MICU1: variants seen among roughly 807,000 people sequenced by gnomAD.
MICU1 encodes calcium uptake protein 1, mitochondrial.
Under a neutral mutation model 56.8 loss-of-function variants are expected in MICU1, and 45 were observed. The ratio of observed to expected loss-of-function variants is 0.79; its 90% CI spans 0.62 to 1.02. The LOEUF (loss-of-function observed/expected upper bound fraction) is 1.02. Ranked by LOEUF, MICU1 falls within the 50% of genes least tolerant of loss-of-function variation. The pLI is 0.00. For missense variants in MICU1, 504 were observed against 587.1 expected (o/e 0.86, Z 1.46); for synonymous variants, 186 against 195.1 (o/e 0.95, Z 0.39).
rs181459857 is a variant in MICU1 at position 72,575,225 on chromosome 10, T to C, written c.-1-8431A>G. On this transcript the variant is annotated intron_variant, in intron 1 of 11. Transcript: ENST00000361114. ...TTTGGAAACACTCATCTCACACATG[T>C]AAGCAGCAGTCTCCTCTGTCTGTGG... is the stretch of plus-strand genomic sequence containing the variant. Among the ~76,000 whole-genome samples the C allele has an allele frequency of 1.2e-3, 187 of 152,312 alleles. 1 individual carries two copies. The highest frequency in any genetic ancestry group is 4.0e-3 in the African/African-American group (168 of 41,580).
intron 6 of MICU1, among the ~76,000 whole-genome samples, chr10:72,481,572 C>T (rs1048842322): frequency 2.0e-5 from 3 of 152,054 alleles, no homozygotes; most frequent in East Asian, 3.9e-4. Flanking sequence ...CCACCACCCC[C>T]GGCTAATTTT....
intron 6 of MICU1, among the ~76,000 whole-genome samples, chr10:72,498,251 C>T (rs1866911765): frequency 6.6e-6 from 1 of 152,168 alleles, no homozygotes; most frequent in African/African-American, 2.4e-5. Context: ...ACTTTTCCTG[C>T]TCCATCTACT....
chr10:72,407,821 A>C (rs1368215547), intron 10 of MICU1, 108 bp downstream of exon 10: 1 of 657,314 alleles, frequency 1.5e-6, no homozygotes. Context: ...CACCATTTCA[A>C]GGATGCCAAG....
chr10:72,510,402 T>C (rs578195228), intron 5 of MICU1, among the ~76,000 whole-genome samples: 12 of 152,296 alleles, frequency 7.9e-5, no homozygotes, highest in Admixed American at 3.9e-4. Context: ...TGAAAGTAAA[T>C]TGGAGACATC....
intron 10 of MICU1, among the ~76,000 whole-genome samples, chr10:72,376,807 G>A (rs1862537865): frequency 6.6e-6 from 1 of 151,912 alleles, no homozygotes; most frequent in South Asian, 2.1e-4. Flanking sequence ...CATTGTGAAT[G>A]TAATTAATGT....
intron 10 of MICU1, among the ~76,000 whole-genome samples, chr10:72,377,280 T>G (rs1403632530): frequency 6.6e-6 from 1 of 152,020 alleles, no homozygotes; most frequent in Non-Finnish European, 1.5e-5. Flanking sequence ...CCATCACGCC[T>G]GGCTAATTTT....
intron 1 of MICU1, among the ~76,000 whole-genome samples, chr10:72,568,747 CTTTTTTTTTTTTT>C (rs72319510): frequency 5.4e-5 from 3 of 55,548 alleles, no homozygotes; most frequent in Admixed American, 2.6e-4. Context: ...AGTTCTTATT[CTTTTTTTTTTTTT>C]TTTTTTTTTT....
intron 5 of MICU1, among the ~76,000 whole-genome samples, chr10:72,517,029 T>G (rs974870046): frequency 6.6e-6 from 1 of 152,182 alleles, no homozygotes; most frequent in Non-Finnish European, 1.5e-5. Flanking sequence ...CTGAGGAAGA[T>G]TCTTAAAAAA....
chr10:72,438,364 C>T (rs1300725200), intron 8 of MICU1, among the ~76,000 whole-genome samples: 1 of 152,174 alleles, frequency 6.6e-6, no homozygotes, highest in Non-Finnish European at 1.5e-5. Flanking sequence ...AACAAAGACA[C>T]AGCATACCAG....
chr10:72,512,744 G>A (rs1386435422), intron 5 of MICU1, among the ~76,000 whole-genome samples: 1 of 150,134 alleles, frequency 6.7e-6, no homozygotes, highest in Non-Finnish European at 1.5e-5. Context: ...CTGACACCCA[G>A]GCTGGAGTGC....
At chr10:72,402,929 C>T (rs1863504102) in intron 10 of MICU1, among the ~76,000 whole-genome samples, 1 of 152,090 alleles carries the variant, frequency 6.6e-6, no homozygotes, top group South Asian at 2.1e-4. Context: ...CCTGTGGTCC[C>T]AGCTAACCAG....
At chr10:72,476,153 G>A (rs1340396534) in intron 7 of MICU1, among the ~76,000 whole-genome samples, 1 of 150,706 alleles carries the variant, frequency 6.6e-6, no homozygotes, top group African/African-American at 2.5e-5. Flanking sequence ...CTTGAACCCA[G>A]GAGGTGGAGG....
Position 72,526,556 on chromosome 10 carries a change from A to T in MICU1, c.537+7190T>A, listed in dbSNP as rs573224672. 7.2e-5 allele frequency among the ~76,000 whole-genome samples: 11 copies of T among 152,328 alleles called. 1 individual carries two copies. The South Asian group carries it at 2.3e-3, about 32-fold the overall frequency. ...AGTGATCTGCCTGCCTCGGCCTCCC[A>T]AAGTGCTGGGATTACAGGCATGAGC... On this transcript the variant is annotated intron_variant, in intron 5 of 11. Transcript: ENST00000361114.
At chr10:72,409,681 A>G (rs1863742816) in intron 9 of MICU1, among the ~76,000 whole-genome samples, 2 of 152,216 alleles carry the variant, frequency 1.3e-5, no homozygotes, top group African/African-American at 4.8e-5. Context: ...ACAGGGCTAG[A>G]CGCTGTCTCA....
chr10:72,544,498 G>A (rs912611373), intron 4 of MICU1, among the ~76,000 whole-genome samples: 1 of 152,096 alleles, frequency 6.6e-6, no homozygotes, highest in Non-Finnish European at 1.5e-5. Flanking sequence ...TCAGCCAGTT[G>A]GATATGGTGG....
intron 5 of MICU1, among the ~76,000 whole-genome samples, chr10:72,533,481 T>C (rs1839545944): frequency 6.6e-6 from 1 of 152,160 alleles, no homozygotes; most frequent in Non-Finnish European, 1.5e-5. Flanking sequence ...GACTATTGAG[T>C]TAACATTCAA....
At chr10:72,490,292 C>A (rs183769336) in intron 6 of MICU1, among the ~76,000 whole-genome samples, 103 of 152,084 alleles carry the variant, frequency 6.8e-4, no homozygotes, top group Non-Finnish European at 9.6e-4. Flanking sequence ...GTGAAAGAAC[C>A]AAGGGAAAAA....
intron 6 of MICU1, among the ~76,000 whole-genome samples, chr10:72,494,277 A>G (rs1159689356): frequency 1.3e-5 from 2 of 152,200 alleles, no homozygotes; most frequent in Non-Finnish European, 2.9e-5. Context: ...TTTCTGGTCC[A>G]TAGACAGTCA....
At chr10:72,385,803 C>A (rs1383504949) in intron 10 of MICU1, among the ~76,000 whole-genome samples, 2 of 152,158 alleles carry the variant, frequency 1.3e-5, no homozygotes, top group Non-Finnish European at 2.9e-5. Flanking sequence ...ATGGGCTAGT[C>A]AGTCCCATAA....
Sources: allele counts gnomAD v4.1 joint callset (sites outside exome capture counted in the v4.1 genomes callset), GRCh38; gene constraint gnomAD v4.1.1; transcripts MANE v1.5; gene names NCBI Gene and HGNC (gene_info 2026-07-23, HGNC 2026-07-21).